TRAPPC13: variants seen among roughly 807,000 people sequenced by gnomAD.
TRAPPC13 encodes REV7-interacting novel NHEJ regulator 1.
Under a neutral mutation model 54.0 loss-of-function variants are expected in TRAPPC13, and 39 were observed. The ratio of observed to expected loss-of-function variants is 0.72; its 90% confidence interval spans 0.56 to 0.94. The LOEUF (loss-of-function observed/expected upper bound fraction) is 0.94. Among genes scored for constraint, TRAPPC13 ranks in the 40% least tolerant of loss-of-function variants. The pLI is 0.00. For synonymous variants in TRAPPC13, 148 were observed against 167.7 expected, an observed-to-expected ratio of 0.88 and a Z score of 0.91; for missense variants, 386 against 488.1, an observed-to-expected ratio of 0.79 and a Z score of 1.97.
intron 11 of TRAPPC13, chr5:65,663,485 T>C (rs991400124): frequency 2.0e-5 from 3 of 152,162 alleles, no homozygotes; most frequent in Admixed American, 6.5e-5. Context: ...TACAAGTTAA[T>C]ATTATAAAGT....
intron 8 of TRAPPC13, chr5:65,658,065 AAAAG>A (rs2150690154): frequency 4.4e-6 from 1 of 228,700 alleles, no homozygotes; most frequent in Admixed American, 5.7e-5. Flanking sequence ...ATACCTAATG[AAAAG>A]AAAGAGTATT....
At chr5:65,651,828 T>G (rs973814266) in intron 6 of TRAPPC13, among the ~76,000 whole-genome samples, 10 of 130,242 alleles carry the variant, frequency 7.7e-5, no homozygotes, top group African/African-American at 2.7e-4. Context: ...TGAAAGAAAA[T>G]AAAACGTGAT....
chr5:65,652,338 TC>T (rs376026298), intron 6 of TRAPPC13, among the ~76,000 whole-genome samples, 162 bp from the exon 7 acceptor site: 2 of 49,352 alleles, frequency 4.1e-5, no homozygotes, highest in Admixed American at 3.4e-4. Flanking sequence ...TTTTTTCTTT[TC>T]TTTTTTTTTT....
chr5:65,629,865 T>G (rs1755453263), intron 1 of TRAPPC13: 2 of 1,535,918 alleles, frequency 1.3e-6, no homozygotes, highest in South Asian at 2.4e-5. Context: ...CTATTGGAGT[T>G]TCAACCTAGC....
At chr5:65,639,063 G>A (rs1755869965) in intron 4 of TRAPPC13, among the ~76,000 whole-genome samples, 1 of 152,074 alleles carries the variant, frequency 6.6e-6, no homozygotes, top group South Asian at 2.1e-4. Flanking sequence ...CAGGCTGCCT[G>A]GGTGACAGAG....
intron 4 of TRAPPC13, among the ~76,000 whole-genome samples, chr5:65,642,859 C>G (rs1756021439): frequency 6.6e-6 from 1 of 152,058 alleles, no homozygotes; most frequent in Non-Finnish European, 1.5e-5. Flanking sequence ...CAGCATCTCA[C>G]TCTGTTGCCC....
chr5:65,625,236 C>T, intron 1 of TRAPPC13, 130 bp downstream of exon 1: 1 of 802,968 alleles, frequency 1.2e-6, no homozygotes, highest in Admixed American at 2.3e-5. Flanking sequence ...CCTTTGCCGC[C>T]AAGCGGGAGG....
At chr5:65,650,721 T>C in intron 5 of TRAPPC13, 89 bp from the exon 6 acceptor site, 1 of 1,055,296 alleles carries the variant, frequency 9.5e-7, no homozygotes, top group South Asian at 1.4e-5. Context: ...ATAAGTGTTT[T>C]CCAAATTTCT....
intron 1 of TRAPPC13, among the ~76,000 whole-genome samples, chr5:65,633,420 A>G (rs1015469925): frequency 7.9e-5 from 12 of 152,012 alleles, no homozygotes; most frequent in African/African-American, 2.7e-4. Flanking sequence ...AGCTGGGACT[A>G]CAGGCGCCCG....
intron 8 of TRAPPC13, among the ~76,000 whole-genome samples, chr5:65,656,539 T>G: frequency 6.6e-6 from 1 of 152,214 alleles, no homozygotes; most frequent in Non-Finnish European, 1.5e-5. Context: ...CTGTTTTATT[T>G]TAGATAATAG....
At chr5:65,635,430 A>T in intron 2 of TRAPPC13, 61 bp downstream of exon 2, 1 of 1,353,970 alleles carries the variant, frequency 7.4e-7, no homozygotes, top group Non-Finnish European at 1.1e-6. Context: ...AATTGCCTGC[A>T]TTACCTTGGA....
At chr5:65,649,580 T>G (rs1360852955) in intron 5 of TRAPPC13, among the ~76,000 whole-genome samples, 1 of 152,200 alleles carries the variant, frequency 6.6e-6, no homozygotes, top group Non-Finnish European at 1.5e-5. Context: ...CTTGTGAGGC[T>G]GAACATTTTC....
At chr5:65,662,898 G>A (rs1277467791) in intron 11 of TRAPPC13, 1 of 152,052 alleles carries the variant, frequency 6.6e-6, no homozygotes, top group African/African-American at 2.4e-5. Flanking sequence ...CCAAAGCACA[G>A]GTATTCATGC....
At chr5:65,625,359 C>T (rs1755161275) in intron 1 of TRAPPC13, 1 of 421,260 alleles carries the variant, frequency 2.4e-6, no homozygotes, top group Non-Finnish European at 4.2e-6. Flanking sequence ...AGATTTTAGC[C>T]GCAGAAGCTG....
intron 1 of TRAPPC13, 75 bp from the exon 2 acceptor site, chr5:65,635,226 T>C (rs1755703928): frequency 3.2e-6 from 4 of 1,249,004 alleles, no homozygotes; most frequent in Non-Finnish European, 4.6e-6. Context: ...TGGATGAATG[T>C]CATACACTAG....
chr5:65,658,527 A>G (rs371092558), intron 9 of TRAPPC13, 26 bp downstream of exon 9: 141 of 1,498,736 alleles, frequency 9.4e-5, no homozygotes, highest in East Asian at 1.2e-4. Flanking sequence ...TGAAGTCTTT[A>G]TCCTTGTTTT....
chr5:65,626,389 G>A lies in TRAPPC13; in HGVS notation c.46+1283G>A, dbSNP rs113760396. Among the ~76,000 whole-genome samples, 976 of 152,286 alleles carry A rather than the reference G, an allele frequency of 6.4e-3. 7 individuals are homozygous for A. The highest frequency in any genetic ancestry group is 0.022 in the African/African-American group (927 of 41,548). ...CTACCAGCTACTCCGATGGGAATTTGGAACAGTTCTATTAACTGCTACGTG... is the reference window on the plus strand; with the variant it reads ...CTACCAGCTACTCCGATGGGAATTTAGAACAGTTCTATTAACTGCTACGTG... On this transcript the variant is annotated intron_variant, in intron 1 of 12. Coordinates refer to ENST00000399438, the MANE Select transcript of TRAPPC13 (RefSeq NM_024941.4).
chr5:65,656,586 A>G (rs976828543), intron 8 of TRAPPC13, among the ~76,000 whole-genome samples: 2 of 152,074 alleles, frequency 1.3e-5, no homozygotes, highest in African/African-American at 4.8e-5. Context: ...TATTTTTGCA[A>G]ATGATTTTCA....
At chr5:65,661,075 A>T (rs780351258) in intron 10 of TRAPPC13, 178 bp downstream of exon 10, 1 of 496,322 alleles carries the variant, frequency 2.0e-6, no homozygotes, top group Non-Finnish European at 3.6e-6. Flanking sequence ...TGGTGTTGCC[A>T]TGAATGAAAA....
Sources: allele counts gnomAD v4.1 joint callset (sites outside exome capture counted in the v4.1 genomes callset), GRCh38; gene constraint gnomAD v4.1.1; transcripts MANE v1.5; gene names NCBI Gene and HGNC (gene_info 2026-07-23, HGNC 2026-07-21).